CTNND2: variants seen among roughly 807,000 people sequenced by gnomAD.
The protein encoded by CTNND2 is catenin delta-2.
CTNND2 carries 22 observed loss-of-function variants against 144.4 expected under a neutral mutation model. The observed-to-expected ratio is 0.15, with a 90% confidence interval of 0.11 to 0.22. The LOEUF (loss-of-function observed/expected upper bound fraction) is 0.22. Among genes scored for constraint, CTNND2 ranks in the 10% least tolerant of loss-of-function variants. CTNND2 has a pLI of 1.00. For synonymous variants in CTNND2, 751 were observed against 695.6 expected, an observed-to-expected ratio of 1.08 and a Z score of -1.25; for missense variants, 1,353 against 1,618.8, an observed-to-expected ratio of 0.84 and a Z score of 2.82.
intron 2 of CTNND2, among the ~76,000 whole-genome samples, chr5:11,686,902 CTA>C (rs1432403548): frequency 6.7e-6 from 1 of 148,752 alleles, no homozygotes; most frequent in Non-Finnish European, 1.5e-5. Flanking sequence ...AATATATTAT[CTA>C]TGTTTTAAAA....
At chr5:11,828,459 G>A (rs1793716200) in intron 1 of CTNND2, among the ~76,000 whole-genome samples, 1 of 152,132 alleles carries the variant, frequency 6.6e-6, no homozygotes, top group Admixed American at 6.5e-5. Flanking sequence ...GAACCCTGGA[G>A]GCAGAGGTGA....
At chr5:11,745,687 C>A (rs1278267805) in intron 1 of CTNND2, among the ~76,000 whole-genome samples, 1 of 152,198 alleles carries the variant, frequency 6.6e-6, no homozygotes, top group Non-Finnish European at 1.5e-5. Context: ...ACCCTCCTAA[C>A]CTGCCTCTCA....
intron 1 of CTNND2, among the ~76,000 whole-genome samples, chr5:11,804,493 G>A (rs1196891081): frequency 6.6e-6 from 1 of 152,122 alleles, no homozygotes; most frequent in Admixed American, 6.5e-5. Context: ...AACTGGTATA[G>A]TCATATAATG....
intron 16 of CTNND2, among the ~76,000 whole-genome samples, chr5:11,061,243 TG>T (rs1449125570): frequency 6.6e-6 from 1 of 152,208 alleles, no homozygotes; most frequent in Non-Finnish European, 1.5e-5. Flanking sequence ...CTGGACAGCA[TG>T]AGCTCTTTCC....
chr5:11,396,298 A>C (rs907934013), intron 6 of CTNND2, among the ~76,000 whole-genome samples: 3 of 152,154 alleles, frequency 2.0e-5, no homozygotes, highest in Non-Finnish European at 4.4e-5. Flanking sequence ...TCTGGTGGGT[A>C]CCTCAAAATT....
intron 14 of CTNND2, among the ~76,000 whole-genome samples, chr5:11,101,887 A>ATGTGTGTGTG (rs201704440): frequency 0.057 from 8,213 of 145,186 alleles, 277 homozygotes; most frequent in Non-Finnish European, 0.08. Context: ...ACGACCACAT[A>ATGTGTGTGTG]TGTGTGTGTG....
chr5:11,477,424 G>A (rs553994881), intron 3 of CTNND2, among the ~76,000 whole-genome samples: 9 of 139,862 alleles, frequency 6.4e-5, no homozygotes, highest in African/African-American at 2.4e-4. Context: ...GTTTTGTTTT[G>A]TTTAAGATCT....
At chr5:11,375,575 G>C (rs1280377621) in intron 7 of CTNND2, among the ~76,000 whole-genome samples, 1 of 152,004 alleles carries the variant, frequency 6.6e-6, no homozygotes, top group Non-Finnish European at 1.5e-5. Flanking sequence ...TTAGTTATTG[G>C]GTTATGTATG....
rs1755209676 is a variant in CTNND2, at chr5:11,129,161, A to AT, written c.2160-11595dup. ...TATATTATATATAAAATATACATATATTATATATTATATATTTTATATATA... is the reference window on the plus strand; with the variant it reads ...TATATTATATATAAAATATACATATATTTATATATTATATATTTTATATATA... On this transcript the variant is annotated intron_variant, in intron 12 of 21. Transcript: ENST00000304623. Among the ~76,000 whole-genome samples the AT allele has an allele frequency of 3.5e-4, 7 of 20,218 alleles. 1 individual carries two copies. The highest frequency in any genetic ancestry group is 6.2e-4 in the African/African-American group (4 of 6,454). 13.3% of individuals were successfully genotyped at this position (20,218 alleles called of 152,430 possible).
chr5:11,874,445 G>A (rs1735400467), intron 1 of CTNND2, among the ~76,000 whole-genome samples: 2 of 152,080 alleles, frequency 1.3e-5, no homozygotes, highest in African/African-American at 2.4e-5. Context: ...TAATACAATA[G>A]GACAAGTATG....
chr5:11,603,690 A>G (rs1779917160), intron 2 of CTNND2, among the ~76,000 whole-genome samples: 2 of 152,364 alleles, frequency 1.3e-5, no homozygotes, highest in South Asian at 4.1e-4. Context: ...TAATGATAAT[A>G]AACAGTTCAG....
intron 16 of CTNND2, among the ~76,000 whole-genome samples, chr5:11,078,611 A>C (rs558216163): frequency 1.4e-4 from 21 of 152,284 alleles, no homozygotes; most frequent in African/African-American, 5.1e-4. Flanking sequence ...GTTATATTTT[A>C]ATCCACCAAA....
chr5:11,489,244 G>A (rs756745106), intron 3 of CTNND2, among the ~76,000 whole-genome samples: 21 of 152,094 alleles, frequency 1.4e-4, no homozygotes, highest in Non-Finnish European at 2.9e-5. Flanking sequence ...AGCCATTGTG[G>A]TAAGTATATA....
At chr5:11,685,640 A>C (rs2126637238) in intron 2 of CTNND2, among the ~76,000 whole-genome samples, 1 of 152,336 alleles carries the variant, frequency 6.6e-6, no homozygotes, top group East Asian at 1.9e-4. Flanking sequence ...GCATATATCC[A>C]CTGAAAATTC....
chr5:11,604,307 T>C (rs1779946074), intron 2 of CTNND2, among the ~76,000 whole-genome samples: 1 of 152,212 alleles, frequency 6.6e-6, no homozygotes, highest in Non-Finnish European at 1.5e-5. Context: ...TTACAAACTC[T>C]CTACTTGCTG....
rs1214496093 is a variant in CTNND2 at position 11,128,750 on chromosome 5, T to A, written c.2160-11183A>T. On this transcript the variant is annotated intron_variant, in intron 12 of 21. Transcript: ENST00000304623. ...TATATAATATATATATTTATATATATTATATATAAATATATATATTATATA... is the reference window on the plus strand; with the variant it reads ...TATATAATATATATATTTATATATAATATATATAAATATATATATTATATA... Among the ~76,000 whole-genome samples, 22 of 58,302 alleles carry A rather than the reference T, an allele frequency of 3.8e-4. 1 individual carries two copies. In the East Asian group the frequency reaches 6.7e-3, roughly 18 times the overall value. The allele number at this position is 58,302 out of a possible 152,430, so 38.2% of individuals were successfully genotyped here. A position where few individuals can be genotyped will look rare whatever the true frequency, so the allele number is the denominator to read the frequency against.
At chr5:11,574,232 G>T (rs1820738) in intron 2 of CTNND2, among the ~76,000 whole-genome samples, 136,359 of 152,158 alleles carry the variant, frequency 0.9, 61,158 homozygotes, top group Admixed American at 0.92. Flanking sequence ...CAGTTAATAT[G>T]TTAAGCAATT....
At chr5:11,475,991 C>T (rs781651972) in intron 3 of CTNND2, among the ~76,000 whole-genome samples, 25 of 151,742 alleles carry the variant, frequency 1.6e-4, no homozygotes, top group Non-Finnish European at 3.2e-4. Flanking sequence ...TCCTGAGCAG[C>T]TGGGACTACA....
intron 10 of CTNND2, among the ~76,000 whole-genome samples, chr5:11,220,651 T>C (rs1739693581): frequency 1.3e-5 from 2 of 152,176 alleles, no homozygotes; most frequent in African/African-American, 4.8e-5. Flanking sequence ...CATACCCTTC[T>C]ATGCGAGGGT....
Sources: gnomAD v4.1 joint callset for allele counts (sites outside exome capture counted in the v4.1 genomes callset) on GRCh38, gnomAD v4.1.1 for gene constraint, MANE v1.5 for transcripts, NCBI Gene and HGNC (gene_info 2026-07-23, HGNC 2026-07-21) for gene names.